PAK5: variants seen among roughly 807,000 people sequenced by gnomAD.
The protein encoded by PAK5 is p21 (RAC1) activated kinase 5, also known as serine/threonine-protein kinase PAK 5.
Under a neutral mutation model 65.9 loss-of-function variants are expected in PAK5, and 16 were observed. The ratio of observed to expected loss-of-function variants is 0.24; its 90% confidence interval spans 0.16 to 0.37. PAK5 has a LOEUF of 0.37. Ranked by LOEUF, PAK5 falls within the 10% of genes least tolerant of loss-of-function variation. The probability of loss-of-function intolerance (pLI) is 1.00; values close to 1 mark genes in which losing one functional copy is unlikely to be tolerated. For missense variants in PAK5, 785 were observed against 903.9 expected (o/e 0.87, Z 1.69); for synonymous variants, 371 against 354.9 (o/e 1.05, Z -0.51).
chr20:9,544,550 A>G (rs890350210), intron 7 of PAK5, 56 bp from the exon 8 acceptor site: 1 of 1,519,790 alleles, frequency 6.6e-7, no homozygotes, highest in Non-Finnish European at 9.1e-7. Context: ...TCTGCTAGAC[A>G]CGAAAATACA....
chr20:9,560,654 G>A (rs1326987435), intron 6 of PAK5, among the ~76,000 whole-genome samples: 1 of 152,170 alleles, frequency 6.6e-6, no homozygotes, highest in African/African-American at 2.4e-5. Context: ...AAGCCACCAT[G>A]CCTGGCCAAT....
intron 9 of PAK5, among the ~76,000 whole-genome samples, chr20:9,541,887 G>GCT (rs796842912): frequency 1.3e-5 from 2 of 151,982 alleles, no homozygotes; most frequent in African/African-American, 2.4e-5. Flanking sequence ...TCCCCTGTGC[G>GCT]CTCTCTCTCT....
At position 9,683,341 on chromosome 20, in the gene PAK5, T is replaced by TGTGGAAGG. The variant is rs1379705819; in HGVS notation, c.-12+27944_-12+27945insCCTTCCAC. Among the ~76,000 whole-genome samples, 4 of 152,258 alleles carry TGTGGAAGG rather than the reference T, an allele frequency of 2.6e-5. No homozygotes were observed. The East Asian group carries it at 5.8e-4, about 22-fold the overall frequency. On this transcript the variant is annotated intron_variant, in intron 2 of 9. Coordinates refer to ENST00000353224, the MANE Select transcript of PAK5 (RefSeq NM_177990.4). ...AAGTTTCTACACACTAGCTCATTCA[T>TGTGGAAGG]GTGGAAGATAATCTGTATTTCTCAG...
At chr20:9,539,959 T>A (rs2045233735) in intron 9 of PAK5, among the ~76,000 whole-genome samples, 1 of 152,226 alleles carries the variant, frequency 6.6e-6, no homozygotes, top group Admixed American at 6.5e-5. Flanking sequence ...AAGCATAGTA[T>A]AAACAGGGAG....
At chr20:9,797,932 G>C (rs1410313089) in intron 1 of PAK5, among the ~76,000 whole-genome samples, 1 of 152,120 alleles carries the variant, frequency 6.6e-6, no homozygotes, top group East Asian at 1.9e-4. Flanking sequence ...AGATGAATAA[G>C]ACTACATGGG....
At chr20:9,681,587 A>C (rs1163682628) in intron 2 of PAK5, among the ~76,000 whole-genome samples, 1 of 152,120 alleles carries the variant, frequency 6.6e-6, no homozygotes, top group African/African-American at 2.4e-5. Context: ...GGCAACATAA[A>C]TCTTTATCTC....
intron 3 of PAK5, among the ~76,000 whole-genome samples, chr20:9,594,743 C>A (rs902456225): frequency 1.3e-5 from 2 of 152,202 alleles, no homozygotes; most frequent in Admixed American, 1.3e-4. Flanking sequence ...TCATTCCCAA[C>A]TTTGCTGGTG....
At chr20:9,751,070 G>T (rs1475997196) in intron 1 of PAK5, among the ~76,000 whole-genome samples, 1 of 152,126 alleles carries the variant, frequency 6.6e-6, no homozygotes, top group African/African-American at 2.4e-5. Flanking sequence ...AATGTGCACT[G>T]CAATGTGTTT....
At chr20:9,595,700 AG>A (rs1341780666) in intron 3 of PAK5, among the ~76,000 whole-genome samples, 1 of 152,198 alleles carries the variant, frequency 6.6e-6, no homozygotes, top group Admixed American at 6.5e-5. Flanking sequence ...CATAAAATCC[AG>A]GGGTGTTTTG....
chr20:9,744,428 A>AGG (rs2123596232), intron 1 of PAK5, among the ~76,000 whole-genome samples: 2 of 152,352 alleles, frequency 1.3e-5, no homozygotes, highest in South Asian at 4.1e-4. Context: ...TAAGAGCTAG[A>AGG]TCATTTAAGC....
intron 1 of PAK5, among the ~76,000 whole-genome samples, chr20:9,734,554 A>G (rs1008298480): frequency 2.1e-5 from 3 of 145,382 alleles, no homozygotes; most frequent in African/African-American, 7.7e-5. Context: ...GCGCACATGC[A>G]CACACACACA....
intron 3 of PAK5, among the ~76,000 whole-genome samples, chr20:9,621,266 C>A (rs2046763171): frequency 6.6e-6 from 1 of 151,654 alleles, no homozygotes; most frequent in Non-Finnish European, 1.5e-5. Flanking sequence ...ACTTAACATG[C>A]AAAATAAGGG....
At chr20:9,669,930 C>CA (rs913268660) in intron 2 of PAK5, among the ~76,000 whole-genome samples, 5 of 151,552 alleles carry the variant, frequency 3.3e-5, no homozygotes, top group African/African-American at 1.2e-4. Context: ...GCCTCCCCCC[C>CA]ACCCCACAAC....
At chr20:9,727,745 A>G (rs1391268297) in intron 1 of PAK5, among the ~76,000 whole-genome samples, 1 of 152,158 alleles carries the variant, frequency 6.6e-6, no homozygotes, top group African/African-American at 2.4e-5. Context: ...TCTTGCATAT[A>G]ATGCAAAATG....
intron 2 of PAK5, among the ~76,000 whole-genome samples, chr20:9,662,126 G>A (rs929686691): frequency 3.3e-5 from 5 of 152,084 alleles, no homozygotes; most frequent in South Asian, 2.1e-4. Context: ...AGCATAATTT[G>A]GTGCCTATGT....
chr20:9,752,889 C>T lies in PAK5; in HGVS notation c.-161-41454G>A, dbSNP rs554490636. 1.3e-3 allele frequency among the ~76,000 whole-genome samples: 192 copies of T among 152,216 alleles called. 1 individual carries two copies. Among genetic ancestry groups the T allele is most frequent in the African/African-American group, 4.3e-3 (180 of 41,544 alleles). Reference sequence around the variant, plus strand: ...TGACCAATTGAAGGAGGCAGAAGCACGCCAAAAGTTCTGAGGCTAGGCTTC... The same window carrying T: ...TGACCAATTGAAGGAGGCAGAAGCATGCCAAAAGTTCTGAGGCTAGGCTTC... On this transcript the variant is annotated intron_variant, in intron 1 of 9. Coordinates refer to ENST00000353224, the MANE Select transcript of PAK5 (RefSeq NM_177990.4).
At position 9,580,064 on chromosome 20, in the gene PAK5, C is replaced by T. The variant is rs922169711; in HGVS notation, c.990+81G>A. ...AAAGGCAAACAAGTACTTTACAATC[C>T]AATCGTATAAAAAGGTCGTGCCAGC... is the stretch of plus-strand genomic sequence containing the variant. On this transcript the variant is annotated intron_variant, in intron 4 of 9. Coordinates refer to ENST00000353224, the MANE Select transcript of PAK5 (RefSeq NM_177990.4). The T allele has an allele frequency of 9.9e-6, 12 of 1,209,876 alleles. No homozygotes were observed. In the African/African-American group the frequency reaches 1.5e-4, roughly 15 times the overall value. 74.9% of individuals were successfully genotyped at this position (1,209,876 alleles called of 1,614,324 possible). A position where few individuals can be genotyped will look rare whatever the true frequency, so the allele number is the denominator to read the frequency against.
intron 2 of PAK5, among the ~76,000 whole-genome samples, chr20:9,653,603 A>G (rs1213076012): frequency 6.6e-6 from 1 of 152,174 alleles, no homozygotes; most frequent in Non-Finnish European, 1.5e-5. Flanking sequence ...TGCACATTCA[A>G]TCATCATCAA....
intron 2 of PAK5, among the ~76,000 whole-genome samples, chr20:9,701,636 T>C (rs2047940451): frequency 6.6e-6 from 1 of 152,192 alleles, no homozygotes; most frequent in South Asian, 2.1e-4. Context: ...TTTGGTAGTA[T>C]GCAGTCTAGG....
Sources: allele counts gnomAD v4.1 joint callset (sites outside exome capture counted in the v4.1 genomes callset), GRCh38; gene constraint gnomAD v4.1.1; transcripts MANE v1.5; gene names NCBI Gene and HGNC (gene_info 2026-07-23, HGNC 2026-07-21).